The following OLFM3 variants were observed in gnomAD, a reference collection of about 807,000 sequenced individuals.
OLFM3 encodes noelin-3.
In OLFM3, 20 loss-of-function variants were observed where a neutral mutation model predicts 48.6. That is an observed-to-expected ratio of 0.41 (90% CI 0.29 to 0.60). OLFM3 has a LOEUF of 0.60. Among genes scored for constraint, OLFM3 ranks in the 20% least tolerant of loss-of-function variants. OLFM3 has a pLI of 0.28. For missense variants in OLFM3, 437 were observed against 544.3 expected (o/e 0.80, Z 1.96); for synonymous variants, 222 against 198.1 (o/e 1.12, Z -1.01).
chr1:101,885,672 T>C (rs1004453441), intron 1 of OLFM3, among the ~76,000 whole-genome samples: 14 of 152,120 alleles, frequency 9.2e-5, no homozygotes, highest in Non-Finnish European at 1.8e-4. Flanking sequence ...ATAAATTTTC[T>C]CTTTTCTATG....
chr1:101,967,207 A>G (rs1660638017), intron 1 of OLFM3, among the ~76,000 whole-genome samples: 2 of 151,998 alleles, frequency 1.3e-5, no homozygotes, highest in African/African-American at 4.8e-5. Context: ...TCTTGTTTAT[A>G]TTTCTGAGTT....
chr1:101,817,826 G>C (rs1209427078), intron 4 of OLFM3, among the ~76,000 whole-genome samples: 1 of 151,856 alleles, frequency 6.6e-6, no homozygotes, highest in East Asian at 1.9e-4. Flanking sequence ...TACCTATTTA[G>C]GTACTTAAAA....
At chr1:101,924,508 C>A (rs563658170) in intron 1 of OLFM3, among the ~76,000 whole-genome samples, 1 of 152,018 alleles carries the variant, frequency 6.6e-6, no homozygotes, top group Non-Finnish European at 1.5e-5. Context: ...GAAAATTAAC[C>A]CATTGTATTA....
intron 1 of OLFM3, among the ~76,000 whole-genome samples, chr1:101,868,654 C>T (rs1359538284): frequency 1.3e-5 from 2 of 152,148 alleles, no homozygotes; most frequent in South Asian, 2.1e-4. Flanking sequence ...AATGAGGAAC[C>T]AGATGTTAAT....
intron 2 of OLFM3, among the ~76,000 whole-genome samples, chr1:101,833,931 TA>T (rs553351905): frequency 9.2e-5 from 14 of 152,166 alleles, no homozygotes; most frequent in Non-Finnish European, 1.9e-4. Flanking sequence ...AGTGTCCTAT[TA>T]AAAAAAATCA....
intron 1 of OLFM3, among the ~76,000 whole-genome samples, chr1:101,937,806 C>T (rs1221241458): frequency 6.6e-6 from 1 of 152,188 alleles, no homozygotes; most frequent in Non-Finnish European, 1.5e-5. Context: ...TATCTCCTGA[C>T]CACCCTATAC....
At chr1:101,943,272 G>T (rs1488729888) in intron 1 of OLFM3, among the ~76,000 whole-genome samples, 2 of 152,204 alleles carry the variant, frequency 1.3e-5, no homozygotes, top group Non-Finnish European at 2.9e-5. Context: ...TGAAAAAGAA[G>T]AAATGCCACC....
chr1:101,860,576 G>A (rs1004849079), intron 1 of OLFM3, among the ~76,000 whole-genome samples: 17 of 151,870 alleles, frequency 1.1e-4, no homozygotes, highest in Admixed American at 5.9e-4. Flanking sequence ...CTCTTCAATC[G>A]TTAAAGAATG....
chr1:101,869,893 C>T (rs904017329), intron 1 of OLFM3, among the ~76,000 whole-genome samples: 1 of 152,104 alleles, frequency 6.6e-6, no homozygotes, highest in South Asian at 2.1e-4. Flanking sequence ...TTCCTGAGGC[C>T]TCCCCAGCTT....
chr1:101,874,998 C>A, intron 1 of OLFM3, among the ~76,000 whole-genome samples: 1 of 151,924 alleles, frequency 6.6e-6, no homozygotes. Flanking sequence ...GACTATGAAT[C>A]CTCTCATAAC....
intron 1 of OLFM3, among the ~76,000 whole-genome samples, chr1:101,910,785 A>G (rs75307044): frequency 0.015 from 2,217 of 152,286 alleles, 60 homozygotes; most frequent in African/African-American, 0.05. Context: ...GTACTTTAAA[A>G]TTCTTTTTGA....
chr1:101,880,635 C>A (rs1657486550), intron 1 of OLFM3, among the ~76,000 whole-genome samples: 1 of 151,582 alleles, frequency 6.6e-6, no homozygotes, highest in Admixed American at 6.6e-5. Flanking sequence ...ATGGACTTGC[C>A]CCTAGAGGTA....
chr1:101,905,180 G>C (rs1658511918), intron 1 of OLFM3, among the ~76,000 whole-genome samples: 1 of 151,976 alleles, frequency 6.6e-6, no homozygotes, highest in Non-Finnish European at 1.5e-5. Context: ...TACATTCTTG[G>C]ACAGTCAATA....
chr1:101,929,212 C>G (rs1392559271), intron 1 of OLFM3, among the ~76,000 whole-genome samples: 1 of 152,120 alleles, frequency 6.6e-6, no homozygotes, highest in Admixed American at 6.6e-5. Context: ...CATAAGTGCT[C>G]TCAGTGTAAT....
chr1:101,991,683 T>C (rs1443589773), intron 1 of OLFM3, among the ~76,000 whole-genome samples: 1 of 151,032 alleles, frequency 6.6e-6, no homozygotes, highest in Non-Finnish European at 1.5e-5. Flanking sequence ...AAAATACTTA[T>C]GGCTGAAGTA....
chr1:101,963,426 C>A (rs1660521297), intron 1 of OLFM3, among the ~76,000 whole-genome samples: 1 of 152,116 alleles, frequency 6.6e-6, no homozygotes, highest in African/African-American at 2.4e-5. Flanking sequence ...AAATCCACTT[C>A]AAAGTTCTGC....
intron 1 of OLFM3, among the ~76,000 whole-genome samples, chr1:101,877,149 T>TA (rs3079183): frequency 6.6e-6 from 1 of 151,326 alleles, no homozygotes; most frequent in East Asian, 1.9e-4. Context: ...AATATCTGAC[T>TA]ATAAATGATA....
At chr1:101,974,817 T>C (rs1660906147) in intron 1 of OLFM3, among the ~76,000 whole-genome samples, 1 of 152,130 alleles carries the variant, frequency 6.6e-6, no homozygotes, top group Non-Finnish European at 1.5e-5. Flanking sequence ...AAGCCCCATG[T>C]AGTAGGGATT....
chr1:101,907,606 A>G (rs1252449108), intron 1 of OLFM3, among the ~76,000 whole-genome samples: 4 of 152,232 alleles, frequency 2.6e-5, no homozygotes, highest in African/African-American at 9.6e-5. Flanking sequence ...TCCAAATTGT[A>G]CATTTGTAAA....
Sources: allele counts gnomAD v4.1 joint callset (sites outside exome capture counted in the v4.1 genomes callset), GRCh38; gene constraint gnomAD v4.1.1; transcripts MANE v1.5; gene names NCBI Gene and HGNC (gene_info 2026-07-23, HGNC 2026-07-21).